Variants in KIF6 observed in about 807,000 individuals in gnomAD.
The protein encoded by KIF6 is kinesin family member 6.
In KIF6, 106 loss-of-function variants were observed where a neutral mutation model predicts 112.7. The ratio of observed to expected loss-of-function variants is 0.94; its 90% CI spans 0.80 to 1.11. The LOEUF (loss-of-function observed/expected upper bound fraction) is 1.11. Among genes scored for constraint, KIF6 ranks in the 50% least tolerant of loss-of-function variants. The pLI, the probability that KIF6 is intolerant of heterozygous loss-of-function variation, is 0.00. For synonymous variants in KIF6, 339 were observed against 339.9 expected (o/e 1.00, Z 0.03); for missense variants, 929 against 964.0 (o/e 0.96, Z 0.48).
At chr6:39,479,985 A>T (rs908888935) in intron 13 of KIF6, among the ~76,000 whole-genome samples, 12 of 152,164 alleles carry the variant, frequency 7.9e-5, no homozygotes, top group African/African-American at 2.9e-4. Context: ...ATACAATCAT[A>T]TCATCAACAA....
intron 3 of KIF6, among the ~76,000 whole-genome samples, chr6:39,657,379 T>C (rs1436615151): frequency 6.6e-6 from 1 of 152,044 alleles, no homozygotes; most frequent in Non-Finnish European, 1.5e-5. Flanking sequence ...TGTAGAGAGA[T>C]GAATGAAGGG....
intron 13 of KIF6, among the ~76,000 whole-genome samples, chr6:39,452,501 A>T (rs1772770334): frequency 6.6e-6 from 1 of 152,206 alleles, no homozygotes; most frequent in African/African-American, 2.4e-5. Context: ...AAGAGTGGGT[A>T]AGCTGAAAGC....
chr6:39,692,550 T>G (rs912617821), intron 3 of KIF6, among the ~76,000 whole-genome samples: 5 of 152,216 alleles, frequency 3.3e-5, no homozygotes, highest in African/African-American at 1.2e-4. Context: ...TTGCACTCAC[T>G]TGTTGCTGGT....
chr6:39,426,220 A>G (rs1373696227), intron 14 of KIF6, among the ~76,000 whole-genome samples: 2 of 152,202 alleles, frequency 1.3e-5, no homozygotes, highest in Non-Finnish European at 1.5e-5. Context: ...TCATGCCTGG[A>G]AAATGTGATT....
At chr6:39,370,503 T>C (rs866697625) in intron 16 of KIF6, among the ~76,000 whole-genome samples, 1 of 152,204 alleles carries the variant, frequency 6.6e-6, no homozygotes, top group Non-Finnish European at 1.5e-5. Flanking sequence ...AATCCTTTCA[T>C]TTGGCAATAA....
At position 39,343,267 on chromosome 6, in the gene KIF6, G is replaced by C; in HGVS notation, c.2428+442C>G. ...GTCCTCGGGCCTGGGCCTTCAAGCAGTGTTTACACTCACAGCTCTTTGGCA... is the reference window on the plus strand; with the variant it reads ...GTCCTCGGGCCTGGGCCTTCAAGCACTGTTTACACTCACAGCTCTTTGGCA... On this transcript the variant is annotated intron_variant, in intron 22 of 22. Transcript: ENST00000287152. This position sits in a 1 kb window ranked among gnomAD's most constrained non-coding sequence, Gnocchi z 4.1. 2 of 1,287,418 alleles carry C rather than the reference G, an allele frequency of 1.6e-6. No homozygotes were observed. The highest frequency in any genetic ancestry group is 2.0e-6 in the Non-Finnish European group (2 of 987,912). 79.7% of individuals were successfully genotyped at this position (1,287,418 alleles called of 1,614,324 possible).
chr6:39,563,584 A>G (rs1269486639), intron 10 of KIF6, among the ~76,000 whole-genome samples: 2 of 152,208 alleles, frequency 1.3e-5, no homozygotes, highest in Non-Finnish European at 2.9e-5. Flanking sequence ...CCATAACCCA[A>G]TTCTCTATTA....
Position 39,568,711 on chromosome 6 carries a change from C to T in KIF6, c.1181+9345G>A, listed in dbSNP as rs560015530. Among the ~76,000 whole-genome samples, 7 of 151,896 alleles carry T rather than the reference C, an allele frequency of 4.6e-5. No homozygotes were observed. The East Asian group carries it at 5.8e-4, about 13-fold the overall frequency. On this transcript the variant is annotated intron_variant, in intron 10 of 22. Coordinates refer to ENST00000287152, the MANE Select transcript of KIF6 (RefSeq NM_145027.6). Reference sequence around the variant, plus strand: ...GATTACAGACACCCACCATCATGCCCGGCTAATTTTTGTATTTTTAGTAGA... The same window carrying T: ...GATTACAGACACCCACCATCATGCCTGGCTAATTTTTGTATTTTTAGTAGA...
Position 39,379,466 on chromosome 6 carries a change from C to T in KIF6, c.1861+6156G>A, listed in dbSNP as rs143887602. Among the ~76,000 whole-genome samples the T allele has an allele frequency of 2.8e-3, 431 of 152,226 alleles. 2 individuals carry two copies. Among genetic ancestry groups the T allele is most frequent in the African/African-American group, 9.2e-3 (383 of 41,526 alleles). The stretch of plus-strand genomic sequence containing the variant: ...ATGAATTTGACTGCACCCACCTTTC[C>T]TGGAGCTTACATTTTAGCATGGAGA... On this transcript the variant is annotated intron_variant, in intron 16 of 22. Coordinates refer to ENST00000287152, the MANE Select transcript of KIF6 (RefSeq NM_145027.6).
chr6:39,413,462 C>G (rs568623816), intron 15 of KIF6, among the ~76,000 whole-genome samples: 2 of 152,260 alleles, frequency 1.3e-5, no homozygotes, highest in Non-Finnish European at 2.9e-5. Flanking sequence ...GGAGTGGGGA[C>G]ATGATCTAGG....
intron 15 of KIF6, among the ~76,000 whole-genome samples, chr6:39,386,983 A>G (rs1767484936): frequency 6.6e-6 from 1 of 152,242 alleles, no homozygotes; most frequent in Non-Finnish European, 1.5e-5. Flanking sequence ...AGTATTCAAA[A>G]GATGAGTAGA....
chr6:39,519,775 C>A (rs951549871), intron 13 of KIF6, among the ~76,000 whole-genome samples: 2 of 147,686 alleles, frequency 1.4e-5, no homozygotes, highest in African/African-American at 5.1e-5. Context: ...AAATTCCAGC[C>A]CTTCAGGAGG....
chr6:39,622,347 A>G (rs1309821230), intron 5 of KIF6, among the ~76,000 whole-genome samples: 2 of 150,754 alleles, frequency 1.3e-5, no homozygotes, highest in Non-Finnish European at 2.9e-5. Flanking sequence ...TTTAACTTTG[A>G]TGTATTAGAA....
chr6:39,364,128 T>C (rs1037067493), intron 16 of KIF6, among the ~76,000 whole-genome samples: 1 of 151,396 alleles, frequency 6.6e-6, no homozygotes, highest in Non-Finnish European at 1.5e-5. Context: ...AGTCTCGCAC[T>C]GTCACCAGGC....
At chr6:39,718,229 C>CAAAAAAAAAAAAAAAAA (rs35872391) in intron 2 of KIF6, among the ~76,000 whole-genome samples, 1 of 58,948 alleles carries the variant, frequency 1.7e-5, no homozygotes, top group Non-Finnish European at 3.0e-5. Flanking sequence ...GACTCCATCT[C>CAAAAAAAAAAAAAAAAA]AAAAAAAAAA....
At position 39,401,203 on chromosome 6, in the gene KIF6, G is replaced by A. The variant is rs141531182; in HGVS notation, c.1811-15531C>T. On this transcript the variant is annotated intron_variant, in intron 15 of 22. Transcript: ENST00000287152. ...CTTCTAGGAAGTTGTTACAGTGGCCGGAGGCCAGTAGCCTTTCTGCAGTTG... is the reference window on the plus strand; with the variant it reads ...CTTCTAGGAAGTTGTTACAGTGGCCAGAGGCCAGTAGCCTTTCTGCAGTTG... Among the ~76,000 whole-genome samples, 734 of 152,368 alleles carry A rather than the reference G, an allele frequency of 4.8e-3. 4 individuals are homozygous for A. The highest frequency in any genetic ancestry group is 0.013 in the African/African-American group (533 of 41,592).
intron 19 of KIF6, chr6:39,354,117 A>G: frequency 2.9e-6 from 1 of 343,348 alleles, no homozygotes; most frequent in Non-Finnish European, 5.9e-6. Context: ...CCTGAAGGCC[A>G]TCTGGGATGG....
chr6:39,491,468 C>T (rs1261232996), intron 13 of KIF6, among the ~76,000 whole-genome samples: 2 of 152,108 alleles, frequency 1.3e-5, no homozygotes, highest in African/African-American at 4.8e-5. Flanking sequence ...GAAAAACTGT[C>T]AGAGATAATA....
chr6:39,536,250 C>G (rs542697978), intron 13 of KIF6, among the ~76,000 whole-genome samples: 1 of 151,720 alleles, frequency 6.6e-6, no homozygotes, highest in Admixed American at 6.6e-5. Context: ...ACAAAAAAAC[C>G]CTTCAAAAAA....
Sources: allele counts gnomAD v4.1 joint callset (sites outside exome capture counted in the v4.1 genomes callset), GRCh38; gene constraint gnomAD v4.1.1; non-coding constraint Gnocchi (gnomAD v3.1); transcripts MANE v1.5; gene names NCBI Gene and HGNC (gene_info 2026-07-23, HGNC 2026-07-21).